Variants in BRAT1 observed in about 807,000 individuals in gnomAD.
BRAT1 encodes integrator complex assembly factor BRAT1.
A neutral mutation model predicts 70.6 loss-of-function variants in BRAT1; 74 were observed. The ratio of observed to expected loss-of-function variants is 1.05; its 90% CI spans 0.87 to 1.27. BRAT1 has a LOEUF of 1.27. Ranked by LOEUF, BRAT1 falls within the 50% of genes most tolerant of loss-of-function variation. The pLI is 0.00. For synonymous variants in BRAT1, 615 were observed against 517.1 expected (o/e 1.19, Z -2.57); for missense variants, 1,203 against 1,098.2 (o/e 1.10, Z -1.35).
At chr7:2,551,819 TAA>T (rs1252923645) in intron 2 of BRAT1, among the ~76,000 whole-genome samples, 2 of 151,490 alleles carry the variant, frequency 1.3e-5, no homozygotes, top group Non-Finnish European at 1.5e-5. Flanking sequence ...TATGTCTCAA[TAA>T]AAGTCTCAAC....
At position 2,539,313 on chromosome 7, in the gene BRAT1, C is replaced by T. The variant is rs34656552; in HGVS notation, c.1636G>A (p.Val546Met). 3.1e-6 allele frequency: 5 copies of T among 1,611,718 alleles called. No homozygotes were observed. In the East Asian group the frequency reaches 1.1e-4, roughly 36 times the overall value. Residue 546 changes from valine (V) to methionine (M), a missense_variant, in exon 13 of 14, where the codon GTG becomes ATG. Val to Met is a conservative substitution (Grantham distance 21, BLOSUM62 1). Coordinates refer to ENST00000340611, the MANE Select transcript of BRAT1 (RefSeq NM_152743.4). ...DFRCALLASEVPQLALQLLQD... is the reference protein window; with the variant it reads ...DFRCALLASEMPQLALQLLQD... ...AGGAGCTGCAGGGCCAGCTGAGGCA[C>T]CTCTGAAGCCAAGAGTGCGCATCTG...
chr7:2,547,223 G>T, intron 3 of BRAT1, 101 bp downstream of exon 3: 5 of 1,462,780 alleles, frequency 3.4e-6, no homozygotes, highest in Non-Finnish European at 4.7e-6. Flanking sequence ...CAGGCCGCTG[G>T]GACTTGGGAT....
intron 2 of BRAT1, among the ~76,000 whole-genome samples, chr7:2,553,696 T>C (rs1189855426): frequency 1.3e-5 from 2 of 151,932 alleles, no homozygotes; most frequent in African/African-American, 4.8e-5. Flanking sequence ...CAGGTCAGGG[T>C]GCAGTGGCAC....
Position 2,538,082 on chromosome 7 carries a change from G to A in BRAT1, c.2453C>T (p.Ala818Val), listed in dbSNP as rs1778817640. The stretch of plus-strand genomic sequence containing the variant: ...CTCTGGTTCTGCTCAGTAGCAGTCG[G>A]CCTCGTCCCCCTGCAGGAAGCCTCC... ...ATGGFLQGDE[A>V]DCY is the part of the protein sequence containing the mutation. The change falls in exon 14 of 14, where the codon GCC (alanine) becomes GTC (valine). Residue 818 changes from alanine to valine, a missense_variant. Coordinates refer to ENST00000340611, the MANE Select transcript of BRAT1 (RefSeq NM_152743.4). 6.4e-7 allele frequency: 1 copy of A among 1,570,940 alleles called. No individual in the cohort carries two copies. The highest frequency in any genetic ancestry group is 1.7e-5 in the Admixed American group (1 of 57,202).
chr7:2,543,131 C>T lies in BRAT1; in HGVS notation c.923+73G>A. ...GTCCGGAACTCCCCTGCCATGAGGG[C>T]TGCGCTCTCAACCTCCCTGCCTGCC... On this transcript the variant is annotated intron_variant, in intron 6 of 13. Transcript: ENST00000340611. The surrounding 1 kb of genome is among the most constrained non-coding windows in gnomAD (Gnocchi z 5.5). 1.3e-6 allele frequency: 2 copies of T among 1,482,676 alleles called. No homozygotes were observed. Among genetic ancestry groups the T allele is most frequent in the Non-Finnish European group, 1.8e-6 (2 of 1,114,114 alleles). 91.8% of individuals were successfully genotyped at this position (1,482,676 alleles called of 1,614,324 possible).
In BRAT1 at chr7:2,541,303, C is replaced by T. The variant is rs1779138204; in HGVS notation, c.1316G>A (p.Gly439Glu). 1.9e-6 allele frequency: 3 copies of T among 1,589,724 alleles called. No homozygotes were observed. Among genetic ancestry groups the T allele is most frequent in the Non-Finnish European group, 1.7e-6 (2 of 1,171,958 alleles). ...GCCGTACAGAACACACTCACCTGTC[C>T]CCTGTGACAGCGTCCCCAGGAAGTC... Reference protein sequence around the residue: ...ALDFLGTLSQGTGPQELVTQA... With the variant: ...ALDFLGTLSQETGPQELVTQA... The change falls in exon 9 of 14, where the codon GGG (glycine) becomes GAG (glutamate). Residue 439 changes from glycine to glutamate, a missense_variant. Gly to Glu is a moderately conservative substitution (Grantham distance 98, BLOSUM62 -2). Transcript: ENST00000340611.
At chr7:2,542,076 A>G (rs1345030385) in intron 7 of BRAT1, 44 bp downstream of exon 7, 2 of 1,449,220 alleles carry the variant, frequency 1.4e-6, no homozygotes, top group Non-Finnish European at 1.8e-6. Flanking sequence ...CCCCAGCCGC[A>G]GGGACCCAGG....
Position 2,538,216 on chromosome 7 carries a change from C to T in BRAT1, c.2319G>A (p.Leu773=), listed in dbSNP as rs1201484266. Residue 773 remains leucine (L), a synonymous_variant, in exon 14 of 14, where the codon CTG becomes CTA. Transcript: ENST00000340611. ...CCAGGTCTAGGGACCTGAGCATGGCCAGCACAGCCTCAGGCTCCTGGTCCC... is the reference window on the plus strand; with the variant it reads ...CCAGGTCTAGGGACCTGAGCATGGCTAGCACAGCCTCAGGCTCCTGGTCCC... ...PPGDQEPEAV[L]AMLRSLDLEG... The T allele has an allele frequency of 1.2e-6, 2 of 1,609,842 alleles. No individual in the cohort carries two copies. The highest frequency in any genetic ancestry group is 1.7e-6 in the Non-Finnish European group (2 of 1,178,472).
chr7:2,554,474 C>G lies in BRAT1; in HGVS notation c.-16-27G>C, dbSNP rs552314149. On this transcript the variant is annotated intron_variant, in intron 1 of 13. Coordinates refer to ENST00000340611, the MANE Select transcript of BRAT1 (RefSeq NM_152743.4). ...TGCAAAGGCAATGTGAGAGCCAAAC[C>G]TCAATGCCCACTCCAGACCCAGCTC... 135 of 1,597,136 alleles carry G rather than the reference C, an allele frequency of 8.5e-5. 1 individual carries two copies. The Middle Eastern group carries it at 1.4e-3, about 16-fold the overall frequency.
At chr7:2,548,342 G>C (rs909651957) in intron 2 of BRAT1, among the ~76,000 whole-genome samples, 2 of 152,086 alleles carry the variant, frequency 1.3e-5, no homozygotes, top group Admixed American at 6.6e-5. Flanking sequence ...TCAGTAAGGA[G>C]AGTGAGGAGC....
chr7:2,540,998 C>G lies in BRAT1; in HGVS notation c.1376G>C (p.Ser459Thr). ...CCGTACCGTGGGGCTGGAGCCGGGG[C>G]TCTCGAGGCACTCCAGGAGGACAGC... is the stretch of plus-strand genomic sequence containing the variant. ...ALAVLLECLE[S>T]PGSSPTVLKK... The change falls in exon 10 of 14, where the codon AGC (serine) becomes ACC (threonine). Residue 459 changes from serine (S) to threonine (T), a missense_variant. By Grantham distance (58) the Ser-to-Thr change is moderately conservative (BLOSUM62 1). Coordinates refer to ENST00000340611, the MANE Select transcript of BRAT1 (RefSeq NM_152743.4). 5 of 1,555,184 alleles carry G rather than the reference C, an allele frequency of 3.2e-6. No individual in the cohort carries two copies. The highest frequency in any genetic ancestry group is 4.3e-6 in the Non-Finnish European group (5 of 1,162,326).
At chr7:2,553,323 G>C (rs1780175577) in intron 2 of BRAT1, among the ~76,000 whole-genome samples, 1 of 152,096 alleles carries the variant, frequency 6.6e-6, no homozygotes, top group African/African-American at 2.4e-5. Context: ...GAGTCACCGC[G>C]CCTGACCTAT....
chr7:2,544,100 A>G, intron 4 of BRAT1, 138 bp from the exon 5 acceptor site: 1 of 666,770 alleles, frequency 1.5e-6, no homozygotes, highest in Non-Finnish European at 2.3e-6. Flanking sequence ...TCAAAAGCAA[A>G]AAAGAACAGG....
Position 2,538,805 on chromosome 7 carries a change from C to T in BRAT1, c.1771-41G>A, listed in dbSNP as rs1397629663. 3.8e-6 allele frequency: 6 copies of T among 1,594,142 alleles called. No individual in the cohort carries two copies. The South Asian group carries it at 6.6e-5, about 18-fold the overall frequency. ...CAAGTGCGGATGGTTGGTGGGGTGG[C>T]AGGAGCGAGGCTCCCGCAACAGGAC... On this transcript the variant is annotated intron_variant, in intron 13 of 13. Coordinates refer to ENST00000340611, the MANE Select transcript of BRAT1 (RefSeq NM_152743.4).
Position 2,547,408 on chromosome 7 carries a change from C to A in BRAT1, c.198G>T (p.Gln66His), listed in dbSNP as rs755776954. Residue 66 changes from glutamine to histidine, a missense_variant, in exon 3 of 14, where the codon CAG becomes CAT. Transcript: ENST00000340611. ...AGGAGAGGACCCCAGAACTCAGGTC[C>A]TGGACTTTCAGCACATGGGACAGCA... ...VELLSHVLKV[Q>H]DLSSGVLSFS... 4 of 1,614,124 alleles carry A rather than the reference C, an allele frequency of 2.5e-6. No homozygotes were observed. Among genetic ancestry groups the A allele is most frequent in the Non-Finnish European group, 3.4e-6 (4 of 1,180,030 alleles).
intron 10 of BRAT1, 60 bp from the exon 11 acceptor site, chr7:2,539,948 GTC>G: frequency 7.9e-7 from 1 of 1,266,652 alleles, no homozygotes; most frequent in Non-Finnish European, 1.1e-6. Flanking sequence ...CTGTCTGTCT[GTC>G]CCCCTCGCCT....
At chr7:2,546,694 CATT>C (rs1779631107) in intron 3 of BRAT1, among the ~76,000 whole-genome samples, 1 of 151,818 alleles carries the variant, frequency 6.6e-6, no homozygotes, top group South Asian at 2.1e-4. Context: ...GAGTTCGAAC[CATT>C]GCACTCCAGC....
intron 13 of BRAT1, 129 bp from the exon 14 acceptor site, chr7:2,538,893 C>A: frequency 2.0e-6 from 3 of 1,489,464 alleles, no homozygotes; most frequent in Non-Finnish European, 1.8e-6. Context: ...GCTCTGACAC[C>A]TTCCCATGCT....
At position 2,541,765 on chromosome 7, in the gene BRAT1, C is replaced by T. The variant is rs967919052; in HGVS notation, c.1087G>A (p.Gly363Ser). ...TLLASKSSCA[G>S]LLCRTLAHLE... ...TGAGCCAGGGTGCGGCACAGGAGGC[C>T]GGCGCAGGACGACTTGGAGGCCAGG... Residue 363 changes from glycine to serine, a missense_variant, in exon 8 of 14, where the codon GGC becomes AGC. Gly to Ser is a moderately conservative substitution (Grantham distance 56). Coordinates refer to ENST00000340611, the MANE Select transcript of BRAT1 (RefSeq NM_152743.4). 93 of 1,611,952 alleles carry T rather than the reference C, an allele frequency of 5.8e-5. No individual in the cohort carries two copies. Among genetic ancestry groups the T allele is most frequent in the Admixed American group, 3.2e-4 (19 of 59,906 alleles).
Sources: allele counts gnomAD v4.1 joint callset (sites outside exome capture counted in the v4.1 genomes callset), GRCh38; gene constraint gnomAD v4.1.1; non-coding constraint Gnocchi (gnomAD v3.1); transcripts MANE v1.5; gene names NCBI Gene and HGNC (gene_info 2026-07-23, HGNC 2026-07-21).